CCDC15: variants seen among roughly 807,000 people sequenced by gnomAD.
CCDC15 encodes coiled-coil domain-containing protein 15.
In CCDC15, 105 loss-of-function variants were observed where a neutral mutation model predicts 114.5. The observed-to-expected ratio is 0.92, with a 90% confidence interval of 0.78 to 1.08. The LOEUF (loss-of-function observed/expected upper bound fraction) is 1.08. CCDC15 is among the 50% of genes least tolerant of loss of function. The pLI, the probability that CCDC15 is intolerant of heterozygous loss-of-function variation, is 0.00. For missense variants in CCDC15, 1,105 were observed against 1,093.6 expected (o/e 1.01, Z -0.15); for synonymous variants, 334 against 377.8 (o/e 0.88, Z 1.34).
chr11:125,037,622 C>T, intron 13 of CCDC15: 1 of 152,412 alleles, frequency 6.6e-6, no homozygotes, highest in Non-Finnish European at 1.5e-5. Flanking sequence ...CTGCCCTGTG[C>T]CACTGCCTGG....
At chr11:125,034,629 T>C (rs548980631) in intron 13 of CCDC15, among the ~76,000 whole-genome samples, 13 of 152,188 alleles carry the variant, frequency 8.5e-5, no homozygotes, top group Non-Finnish European at 1.8e-4. Context: ...GTCAAAGTTA[T>C]TATGTACAGG....
intron 13 of CCDC15, among the ~76,000 whole-genome samples, chr11:125,026,209 T>G (rs1443355547): frequency 1.3e-5 from 2 of 152,224 alleles, no homozygotes. Context: ...CACTTTCGCC[T>G]GTGGTGGTGA....
rs929056512 is a variant in CCDC15 at position 124,998,723 on chromosome 11, TGA to T, written c.2215-5138_2215-5137del. Reference sequence around the variant, plus strand: ...ATCATACATGTTTTTATGAAAAACTTGAGAGAGTCTCTACTTTTTTTTTTTTT... The same window carrying T: ...ATCATACATGTTTTTATGAAAAACTTGAGAGTCTCTACTTTTTTTTTTTTT... On this transcript the variant is annotated intron_variant, in intron 11 of 15. Coordinates refer to ENST00000344762, the MANE Select transcript of CCDC15 (RefSeq NM_025004.3). Among the ~76,000 whole-genome samples, 39 of 151,178 alleles carry T rather than the reference TGA, an allele frequency of 2.6e-4. 1 individual carries two copies. Among genetic ancestry groups the T allele is most frequent in the African/African-American group, 9.5e-4 (39 of 40,958 alleles).
chr11:124,966,087 C>T (rs7926251), intron 4 of CCDC15, among the ~76,000 whole-genome samples: 30,862 of 151,930 alleles, frequency 0.2, 3,724 homozygotes, highest in African/African-American at 0.34. Context: ...GGAATAAGTG[C>T]GATGTGGTGC....
At chr11:125,008,050 A>G (rs1255134463) in intron 13 of CCDC15, among the ~76,000 whole-genome samples, 1 of 152,198 alleles carries the variant, frequency 6.6e-6, no homozygotes. Flanking sequence ...AAGTTTGTCA[A>G]TATCCACGAA....
chr11:124,958,260 GC>G (rs1449447052), intron 2 of CCDC15, among the ~76,000 whole-genome samples: 1 of 152,146 alleles, frequency 6.6e-6, no homozygotes, highest in Admixed American at 6.5e-5. Context: ...TTCAGAACAA[GC>G]TTGTCCAACA....
At chr11:125,013,095 A>G (rs1948605911) in intron 13 of CCDC15, among the ~76,000 whole-genome samples, 1 of 152,218 alleles carries the variant, frequency 6.6e-6, no homozygotes, top group South Asian at 2.1e-4. Flanking sequence ...TGTTACTACC[A>G]TGATAGGATG....
At chr11:125,011,372 G>A (rs1398204889) in intron 13 of CCDC15, among the ~76,000 whole-genome samples, 1 of 151,742 alleles carries the variant, frequency 6.6e-6, no homozygotes, top group Non-Finnish European at 1.5e-5. Flanking sequence ...CAAGTAGCTG[G>A]GACCACAGGC....
chr11:124,972,699 C>G (rs1340122597), intron 4 of CCDC15, among the ~76,000 whole-genome samples: 3 of 152,156 alleles, frequency 2.0e-5, no homozygotes, highest in Non-Finnish European at 4.4e-5. Flanking sequence ...CAGGGCTGTG[C>G]TCCATCCTCA....
At chr11:124,968,994 C>T (rs1947833731) in intron 4 of CCDC15, among the ~76,000 whole-genome samples, 1 of 152,126 alleles carries the variant, frequency 6.6e-6, no homozygotes, top group Non-Finnish European at 1.5e-5. Context: ...TAATTTTGCC[C>T]TCTCAGGTAA....
chr11:124,974,988 C>T (rs148534926), intron 4 of CCDC15, 108 bp from the exon 5 acceptor site: 5 of 590,336 alleles, frequency 8.5e-6, no homozygotes, highest in Middle Eastern at 5.3e-4. Flanking sequence ...TGTCTTAGAT[C>T]TGGCATTTTT....
intron 9 of CCDC15, among the ~76,000 whole-genome samples, chr11:124,992,266 C>T (rs2135493324): frequency 6.6e-6 from 1 of 152,284 alleles, no homozygotes; most frequent in African/African-American, 2.4e-5. Context: ...TTTAATTTAA[C>T]AAGATTATTC....
At chr11:125,025,101 T>TATATATGAATAA (rs1948690827) in intron 13 of CCDC15, among the ~76,000 whole-genome samples, 1 of 134,032 alleles carries the variant, frequency 7.5e-6, no homozygotes, top group Non-Finnish European at 1.6e-5. Flanking sequence ...TATATGAATA[T>TATATATGAATAA]ATATGAATAT....
At chr11:125,006,161 T>C (rs1240433988) in intron 13 of CCDC15, among the ~76,000 whole-genome samples, 5 of 152,202 alleles carry the variant, frequency 3.3e-5, no homozygotes, top group Non-Finnish European at 5.9e-5. Flanking sequence ...AAAGTGGCTA[T>C]ACCATTTTGC....
intron 13 of CCDC15, among the ~76,000 whole-genome samples, chr11:125,017,315 A>T (rs2135533832): frequency 6.6e-6 from 1 of 152,278 alleles, no homozygotes; most frequent in African/African-American, 2.4e-5. Flanking sequence ...CTAGCTAGAT[A>T]AGTTTGACTA....
intron 6 of CCDC15, 40 bp from the exon 7 acceptor site, chr11:124,986,696 TGTGTGC>T: frequency 6.9e-7 from 1 of 1,441,062 alleles, no homozygotes; most frequent in African/African-American, 1.6e-5. Flanking sequence ...TGTGTTTGTG[TGTGTGC>T]GCGCGCGCGC....
At chr11:124,967,122 G>T (rs1259056392) in intron 4 of CCDC15, among the ~76,000 whole-genome samples, 1 of 152,154 alleles carries the variant, frequency 6.6e-6, no homozygotes, top group Non-Finnish European at 1.5e-5. Context: ...TTTTGGGGTT[G>T]CTCTTCTCGA....
chr11:125,005,137 G>T lies in CCDC15; in HGVS notation c.2336G>T (p.Arg779Leu). 1 of 1,558,234 alleles carries T rather than the reference G, an allele frequency of 6.4e-7. No homozygotes were observed. The highest frequency in any genetic ancestry group is 1.2e-5 in the South Asian group (1 of 83,542). ...ERQKQYLRHR[R>L]LFMDIEREQV... is the part of the protein sequence containing the mutation. ...CAAAAGCAGTACCTGAGACATAGAC[G>T]ACTTTTCATGGATATTGAGAGAGAA... is the stretch of plus-strand genomic sequence containing the variant. Residue 779 changes from arginine (R) to leucine (L), a missense_variant, in exon 13 of 16, where the codon CGA becomes CTA. By Grantham distance (102) the Arg-to-Leu change is moderately radical. Transcript: ENST00000344762.
At chr11:124,983,627 C>T (rs1023776471) in intron 6 of CCDC15, among the ~76,000 whole-genome samples, 1 of 152,092 alleles carries the variant, frequency 6.6e-6, no homozygotes, top group Non-Finnish European at 1.5e-5. Flanking sequence ...TCTCTGGCCT[C>T]TTAAGGTTAG....
Sources: gnomAD v4.1 joint callset for allele counts (sites outside exome capture counted in the v4.1 genomes callset) on GRCh38, gnomAD v4.1.1 for gene constraint, MANE v1.5 for transcripts, NCBI Gene and HGNC (gene_info 2026-07-23, HGNC 2026-07-21) for gene names.